Variants in AFF1 observed in about 807,000 individuals in gnomAD.
AFF1 encodes the protein AF4/FMR2 family member 1.
A neutral mutation model predicts 121.7 loss-of-function variants in AFF1; 48 were observed. The ratio of observed to expected loss-of-function variants is 0.39; its 90% confidence interval spans 0.31 to 0.50. The LOEUF is 0.50. Among genes scored for constraint, AFF1 ranks in the 20% least tolerant of loss-of-function variants. The pLI is 0.76. For missense variants in AFF1, 1,523 were observed against 1,511.7 expected, an observed-to-expected ratio of 1.01 and a Z score of -0.12; for synonymous variants, 613 against 563.0, an observed-to-expected ratio of 1.09 and a Z score of -1.26.
chr4:86,983,419 A>C (rs1723933751), intron 2 of AFF1, among the ~76,000 whole-genome samples: 2 of 151,980 alleles, frequency 1.3e-5, no homozygotes, highest in Admixed American at 6.6e-5. Context: ...GCAGCTACTC[A>C]GGAGGCTGAG....
At chr4:87,033,396 A>G (rs1025183901) in intron 2 of AFF1, among the ~76,000 whole-genome samples, 6 of 152,114 alleles carry the variant, frequency 3.9e-5, no homozygotes, top group Non-Finnish European at 5.9e-5. Flanking sequence ...ATGTGGTGCA[A>G]TTGGTTCTCT....
At chr4:87,011,661 A>G (rs1726768440) in intron 2 of AFF1, among the ~76,000 whole-genome samples, 1 of 152,206 alleles carries the variant, frequency 6.6e-6, no homozygotes, top group Non-Finnish European at 1.5e-5. Context: ...TGATCCATTG[A>G]ATATTCTCAC....
intron 1 of AFF1, among the ~76,000 whole-genome samples, chr4:86,946,355 A>C (rs1318337488): frequency 6.6e-6 from 1 of 151,732 alleles, no homozygotes; most frequent in Non-Finnish European, 1.5e-5. Context: ...TCTTTTCTTC[A>C]CTATATTTTT....
chr4:86,997,913 A>G (rs925238527), intron 2 of AFF1, among the ~76,000 whole-genome samples: 1 of 152,238 alleles, frequency 6.6e-6, no homozygotes, highest in Admixed American at 6.5e-5. Flanking sequence ...CCTGGCCAAC[A>G]TGGAGAAACC....
Position 87,111,016 on chromosome 4 carries a change from T to A in AFF1, c.1533+2701T>A, listed in dbSNP as rs1389256653. The stretch of plus-strand genomic sequence containing the variant: ...AAACTTTATTTTTTTTTTTTTATTT[T>A]TTTTTTTTTGAGACGGAGTCTCGCT... On this transcript the variant is annotated intron_variant, in intron 11 of 20. Transcript: ENST00000395146. Among the ~76,000 whole-genome samples the A allele has an allele frequency of 2.9e-4, 25 of 85,454 alleles. 6 individuals are homozygous for A. Among genetic ancestry groups the A allele is most frequent in the African/African-American group, 9.3e-4 (21 of 22,520 alleles). The allele number at this position is 85,454 out of a possible 152,430, so 56.1% of individuals were successfully genotyped here.
chr4:87,114,726 A>G lies in AFF1; in HGVS notation c.1893A>G (p.Glu631=). Residue 631 remains glutamate, a synonymous_variant, in exon 12 of 21, where the codon GAA becomes GAG. Coordinates refer to ENST00000395146, the MANE Select transcript of AFF1 (RefSeq NM_001166693.3). ...RAGSRTSLQG[E]REPGLLPYGS... ...GTTCACGGACCAGCCTGCAGGGGGA[A>G]AGGGAGCCAGGGCTTCTTCCCTATG... is the stretch of plus-strand genomic sequence containing the variant. 6.2e-7 allele frequency: 1 copy of G among 1,613,996 alleles called. No homozygotes were observed. The highest frequency in any genetic ancestry group is 8.5e-7 in the Non-Finnish European group (1 of 1,179,978).
chr4:87,117,313 C>G (rs1034075197), intron 12 of AFF1, among the ~76,000 whole-genome samples: 7 of 152,208 alleles, frequency 4.6e-5, no homozygotes, highest in African/African-American at 1.7e-4. Context: ...ATCCCTTCAT[C>G]TTAATCGAGT....
chr4:87,076,667 TG>T (rs1336454052), intron 4 of AFF1, among the ~76,000 whole-genome samples: 17 of 152,222 alleles, frequency 1.1e-4, no homozygotes, highest in Non-Finnish European at 2.4e-4. Context: ...TTTTTGTTGT[TG>T]TTTTCCTTGT....
At position 87,000,560 on chromosome 4, in the gene AFF1, A is replaced by T. The variant is rs1725612138; in HGVS notation, c.39-45606A>T. Among the ~76,000 whole-genome samples the T allele has an allele frequency of 2.0e-5, 3 of 151,490 alleles. No individual in the cohort carries two copies. The South Asian group carries it at 6.2e-4, about 31-fold the overall frequency. On this transcript the variant is annotated intron_variant, in intron 2 of 20. Coordinates refer to ENST00000395146, the MANE Select transcript of AFF1 (RefSeq NM_001166693.3). ...TATAATCCTTTGCAACTTTTTTGTA[A>T]ATCTAAAGTTATTCTAAAATAAAAC... is the stretch of plus-strand genomic sequence containing the variant.
intron 11 of AFF1, among the ~76,000 whole-genome samples, chr4:87,109,427 A>G (rs1332222770): frequency 6.6e-6 from 1 of 152,216 alleles, no homozygotes; most frequent in African/African-American, 2.4e-5. Flanking sequence ...ACAGACATGC[A>G]TCAGTATTAA....
chr4:87,046,331 G>A (rs2149612960), intron 3 of AFF1, 45 bp downstream of exon 3: 2 of 1,595,628 alleles, frequency 1.3e-6, no homozygotes, highest in Non-Finnish European at 1.7e-6. Context: ...TTATCACAAT[G>A]TTGAACCCTA....
At chr4:87,038,212 T>C (rs1213070612) in intron 2 of AFF1, among the ~76,000 whole-genome samples, 1 of 152,236 alleles carries the variant, frequency 6.6e-6, no homozygotes, top group African/African-American at 2.4e-5. Flanking sequence ...AAGAATGTTA[T>C]TCATGTTAGT....
At chr4:86,961,897 A>G (rs1722179963) in intron 2 of AFF1, among the ~76,000 whole-genome samples, 1 of 152,182 alleles carries the variant, frequency 6.6e-6, no homozygotes, top group Non-Finnish European at 1.5e-5. Context: ...TACATCCGGC[A>G]GAGGCTTACT....
chr4:87,035,861 G>C (rs1028666866), intron 2 of AFF1, among the ~76,000 whole-genome samples: 2 of 152,204 alleles, frequency 1.3e-5, no homozygotes, highest in African/African-American at 2.4e-5. Context: ...AAGCTTGCTT[G>C]TCTACATTCT....
At chr4:86,985,114 TTAA>T (rs1419978456) in intron 2 of AFF1, among the ~76,000 whole-genome samples, 1 of 137,028 alleles carries the variant, frequency 7.3e-6, no homozygotes, top group Non-Finnish European at 1.5e-5. Context: ...AATACAAATA[TTAA>T]TAGTAATATA....
chr4:87,106,485 T>C (rs1275225270), intron 10 of AFF1, among the ~76,000 whole-genome samples: 1 of 152,234 alleles, frequency 6.6e-6, no homozygotes, highest in African/African-American at 2.4e-5. Flanking sequence ...TTAATGGAGG[T>C]AACAGATTTG....
chr4:86,945,783 T>C (rs1264419125), intron 1 of AFF1, among the ~76,000 whole-genome samples: 1 of 152,036 alleles, frequency 6.6e-6, no homozygotes, highest in Non-Finnish European at 1.5e-5. Flanking sequence ...TGAGCCACCA[T>C]GCTTGGCCCA....
intron 4 of AFF1, among the ~76,000 whole-genome samples, chr4:87,072,298 G>A (rs1484731745): frequency 6.8e-6 from 1 of 147,510 alleles, no homozygotes; most frequent in Non-Finnish European, 1.5e-5. Context: ...GGGAGGCGGA[G>A]CTTGCAGTGA....
intron 2 of AFF1, among the ~76,000 whole-genome samples, chr4:87,041,583 G>T (rs529900252): frequency 6.6e-6 from 1 of 152,062 alleles, no homozygotes; most frequent in South Asian, 2.1e-4. Context: ...AGGAGAACTT[G>T]TAACTCACTA....
Sources: gnomAD v4.1 joint callset for allele counts (sites outside exome capture counted in the v4.1 genomes callset) on GRCh38, gnomAD v4.1.1 for gene constraint, MANE v1.5 for transcripts, NCBI Gene and HGNC (gene_info 2026-07-23, HGNC 2026-07-21) for gene names.